BCL7B: variants seen among roughly 807,000 people sequenced by gnomAD.
BCL7B encodes B-cell CLL/lymphoma 7 protein family member B.
BCL7B carries 11 observed loss-of-function variants against 26.5 expected under a neutral mutation model. The observed-to-expected ratio is 0.42, with a 90% CI of 0.26 to 0.69. The LOEUF (loss-of-function observed/expected upper bound fraction) is 0.69. BCL7B is among the 30% of genes least tolerant of loss of function. The pLI is 0.28. For missense variants in BCL7B, 215 were observed against 264.4 expected (o/e 0.81, Z 1.30); for synonymous variants, 111 against 107.9 (o/e 1.03, Z -0.18).
At chr7:73,545,491 G>A (rs140635440) in intron 2 of BCL7B, among the ~76,000 whole-genome samples, 2 of 152,204 alleles carry the variant, frequency 1.3e-5, no homozygotes, top group East Asian at 3.9e-4. Context: ...CAAAGTGCTG[G>A]GATTACAGGC....
Position 73,537,068 on chromosome 7 carries a change from G to A in BCL7B, c.*230C>T. On this transcript the variant is annotated 3_prime_UTR_variant, in exon 6 of 6. Coordinates refer to ENST00000223368, the MANE Select transcript of BCL7B (RefSeq NM_001707.4). Reference sequence around the variant, plus strand: ...GTGGCCGATGCTCCAGCCAACTTGGGGTGCAAAAAAGACATGAGCGCTCCT... The same window carrying A: ...GTGGCCGATGCTCCAGCCAACTTGGAGTGCAAAAAAGACATGAGCGCTCCT... 1 of 444,674 alleles carries A rather than the reference G, an allele frequency of 2.2e-6. No homozygotes were observed. The highest frequency in any genetic ancestry group is 4.1e-6 in the Non-Finnish European group (1 of 244,474). The allele number at this position is 444,674 out of a possible 1,614,324, so 27.5% of individuals were successfully genotyped here.
rs782465879 is a variant in BCL7B, at chr7:73,537,265, G to C, written c.*33C>G. On this transcript the variant is annotated 3_prime_UTR_variant, in exon 6 of 6. Coordinates refer to ENST00000223368, the MANE Select transcript of BCL7B (RefSeq NM_001707.4). ...CCAGAACCAGAATGCAATAAATAGA[G>C]GCAGGGCCAGGAGGCGGAGGGCCGG... 1 of 1,607,776 alleles carries C rather than the reference G, an allele frequency of 6.2e-7. No individual in the cohort carries two copies. Among genetic ancestry groups the C allele is most frequent in the Non-Finnish European group, 8.5e-7 (1 of 1,174,756 alleles).
rs543976059 is a variant in BCL7B, at chr7:73,551,856, G to A, written c.168+311C>T. Among the ~76,000 whole-genome samples the A allele has an allele frequency of 8.5e-5, 13 of 152,208 alleles. No homozygotes were observed. In the East Asian group the frequency reaches 2.3e-3, roughly 27 times the overall value. Reference sequence around the variant, plus strand: ...CACGCCTGTAATCCCAGCACTTTGGGAGGCTGAGGCAGGTGGGTCACGAGG... The same window carrying A: ...CACGCCTGTAATCCCAGCACTTTGGAAGGCTGAGGCAGGTGGGTCACGAGG... On this transcript the variant is annotated intron_variant, in intron 2 of 5. Transcript: ENST00000223368.
chr7:73,545,266 G>C (rs554950118), intron 2 of BCL7B, among the ~76,000 whole-genome samples: 22 of 152,236 alleles, frequency 1.4e-4, no homozygotes, highest in African/African-American at 5.1e-4. Flanking sequence ...AGGCTGGAGT[G>C]CCATGGCACA....
At chr7:73,543,980 C>T (rs1791866774) in intron 2 of BCL7B, 1 of 180,274 alleles carries the variant, frequency 5.5e-6, no homozygotes, top group East Asian at 1.6e-4. Context: ...GCAAGAAATA[C>T]AAAACACTCA....
At chr7:73,556,881 A>AT (rs1554584768) in intron 1 of BCL7B, among the ~76,000 whole-genome samples, 1 of 152,246 alleles carries the variant, frequency 6.6e-6, no homozygotes, top group African/African-American at 2.4e-5. Flanking sequence ...AGGCTGGTAC[A>AT]TAGTTTGCAA....
At chr7:73,547,877 G>A (rs1792011587) in intron 2 of BCL7B, among the ~76,000 whole-genome samples, 1 of 152,146 alleles carries the variant, frequency 6.6e-6, no homozygotes, top group South Asian at 2.1e-4. Flanking sequence ...CAGCACTTTG[G>A]GAGGCCTAGA....
intron 1 of BCL7B, chr7:73,556,951 AG>A: frequency 1.0e-6 from 1 of 989,860 alleles, no homozygotes; most frequent in East Asian, 1.1e-4. Flanking sequence ...CTCGCGGCGC[AG>A]GGGCCGGTTA....
At chr7:73,547,192 G>A (rs1371250647) in intron 2 of BCL7B, among the ~76,000 whole-genome samples, 1 of 152,096 alleles carries the variant, frequency 6.6e-6, no homozygotes, top group African/African-American at 2.4e-5. Flanking sequence ...CGTGGGTGCA[G>A]TGGCTCACAC....
chr7:73,539,750 C>G, intron 4 of BCL7B, 132 bp downstream of exon 4: 2 of 1,020,850 alleles, frequency 2.0e-6, no homozygotes, highest in South Asian at 3.4e-5. Context: ...CATTCCTAAG[C>G]TATCGAGAAA....
chr7:73,549,644 T>C (rs901699553), intron 2 of BCL7B, among the ~76,000 whole-genome samples: 3 of 151,952 alleles, frequency 2.0e-5, no homozygotes, highest in African/African-American at 4.8e-5. Context: ...CAAACTCCCA[T>C]CTCTCCAAAA....
rs782175288 is a variant in BCL7B, at chr7:73,557,511, G to A, written c.68C>T (p.Ala23Val). 5.7e-5 allele frequency: 82 copies of A among 1,448,740 alleles called. No homozygotes were observed. In the Admixed American group the frequency reaches 1.7e-3, roughly 30 times the overall value. The allele number at this position is 1,448,740 out of a possible 1,614,324, so 89.7% of individuals were successfully genotyped here. Residue 23 changes from alanine (A) to valine (V), a missense_variant, in exon 1 of 6, where the codon GCG becomes GTG. Ala to Val is a moderately conservative substitution (Grantham distance 64). Transcript: ENST00000223368. ...RAKDDIKKVM[A>V]AIEKVRKWEK... ...CCATTTCCGCACTTTCTCGATGGCC[G>A]CCATCACCTTCTTGATGTCGTCCTT...
At chr7:73,538,053 C>T (rs782682994) in intron 4 of BCL7B, 40 bp from the exon 5 acceptor site, 2 of 1,420,870 alleles carry the variant, frequency 1.4e-6, no homozygotes, top group South Asian at 2.6e-5. Flanking sequence ...CAGGGCTCCC[C>T]TGAGGCCTGG....
intron 3 of BCL7B, 111 bp downstream of exon 3, chr7:73,543,437 C>G: frequency 1.0e-6 from 1 of 1,004,624 alleles, no homozygotes; most frequent in Non-Finnish European, 1.5e-6. Flanking sequence ...CTCAGACTCC[C>G]AAAGTGCTGA....
At position 73,557,499 on chromosome 7, in the gene BCL7B, T is replaced by C; in HGVS notation, c.80A>G (p.Lys27Arg). 2.1e-6 allele frequency: 3 copies of C among 1,440,660 alleles called. No homozygotes were observed. The highest frequency in any genetic ancestry group is 2.8e-5 in the South Asian group (2 of 70,834). 89.2% of individuals were successfully genotyped at this position (1,440,660 alleles called of 1,614,324 possible). A position where few individuals can be genotyped will look rare whatever the true frequency, so the allele number is the denominator to read the frequency against. The part of the protein sequence containing the change: ...DIKKVMAAIE[K>R]VRKWEKKWVT... The stretch of plus-strand genomic sequence containing the variant: ...TCCGGCCCCTCACCATTTCCGCACT[T>C]TCTCGATGGCCGCCATCACCTTCTT... Residue 27 changes from lysine (K) to arginine (R), a missense_variant, in exon 1 of 6, where the codon AAA becomes AGA. Transcript: ENST00000223368.
In BCL7B at chr7:73,536,367, T is replaced by C. The variant is rs62466282; in HGVS notation, c.*931A>G. The C allele has an allele frequency of 0.043, 6,484 of 149,358 alleles. 182 individuals carry two copies. Among genetic ancestry groups the C allele is most frequent in the Non-Finnish European group, 0.066 (4,483 of 67,494 alleles). The allele number at this position is 149,358 out of a possible 1,614,324, so 9.3% of individuals were successfully genotyped here. A position where few individuals can be genotyped will look rare whatever the true frequency, so the allele number is the denominator to read the frequency against. On this transcript the variant is annotated 3_prime_UTR_variant, in exon 6 of 6. Coordinates refer to ENST00000223368, the MANE Select transcript of BCL7B (RefSeq NM_001707.4). ...AGATACCAACAGGACATATTTCAAA[T>C]AGTTTAATTTTAAAAATATTCTATT...
chr7:73,542,996 T>C (rs1443502257), intron 3 of BCL7B: 2 of 319,332 alleles, frequency 6.3e-6, no homozygotes, highest in Admixed American at 7.5e-5. Context: ...AGTCTGTCAC[T>C]TACAAGTTAT....
intron 1 of BCL7B, among the ~76,000 whole-genome samples, chr7:73,554,894 A>G (rs113651700): frequency 2.0e-5 from 3 of 152,202 alleles, no homozygotes; most frequent in Admixed American, 6.6e-5. Context: ...AACTAAAATT[A>G]ATTCCTGAAC....
Position 73,536,982 on chromosome 7 carries a change from A to T in BCL7B, c.*316T>A. 3.7e-6 allele frequency: 1 copy of T among 270,500 alleles called. No homozygotes were observed. The highest frequency in any genetic ancestry group is 7.2e-6 in the Non-Finnish European group (1 of 139,756). 16.8% of individuals were successfully genotyped at this position (270,500 alleles called of 1,614,324 possible). On this transcript the variant is annotated 3_prime_UTR_variant, in exon 6 of 6. Transcript: ENST00000223368. The stretch of plus-strand genomic sequence containing the variant: ...CTCTCTTCTCGCAGAAGCTGCCAGC[A>T]GCTCCGTCCAGAGATTCTGGAGCAG...
Sources: allele counts gnomAD v4.1 joint callset (sites outside exome capture counted in the v4.1 genomes callset), GRCh38; gene constraint gnomAD v4.1.1; transcripts MANE v1.5; gene names NCBI Gene and HGNC (gene_info 2026-07-23, HGNC 2026-07-21).